The following PRELID2 variants were observed in gnomAD, a reference collection of about 807,000 sequenced individuals.
PRELID2 encodes PRELI domain containing 2.
Under a neutral mutation model 28.4 loss-of-function variants are expected in PRELID2, and 25 were observed. That is an observed-to-expected ratio of 0.88 (90% CI 0.64 to 1.23). The LOEUF is 1.23. Among genes scored for constraint, PRELID2 ranks in the 50% most tolerant of loss-of-function variants. The pLI is 0.00. For missense variants in PRELID2, 201 were observed against 214.4 expected, an observed-to-expected ratio of 0.94 and a Z score of 0.39; for synonymous variants, 76 against 71.6, an observed-to-expected ratio of 1.06 and a Z score of -0.31.
At chr5:145,269,909 T>C in the PRELID2 span, among the ~76,000 whole-genome samples, 2 of 148,324 alleles carry the variant, frequency 1.3e-5, no homozygotes, top group Non-Finnish European at 3.0e-5. Flanking sequence ...CATACATACA[T>C]ACATATATAT....
intron 1 of PRELID2, among the ~76,000 whole-genome samples, chr5:145,623,845 A>G (rs1753807609): frequency 1.3e-5 from 2 of 152,152 alleles, no homozygotes; most frequent in Admixed American, 6.5e-5. Flanking sequence ...GTGGTCTACA[A>G]TTCAATTCAA....
At chr5:145,802,895 C>G (rs951015587) in intron 4 of PRELID2, among the ~76,000 whole-genome samples, 1 of 152,010 alleles carries the variant, frequency 6.6e-6, no homozygotes, top group Non-Finnish European at 1.5e-5. Flanking sequence ...GAATTAATCC[C>G]CAGAGCACGC....
chr5:145,379,421 G>T, the PRELID2 span, among the ~76,000 whole-genome samples: 1 of 152,156 alleles, frequency 6.6e-6, no homozygotes. Flanking sequence ...TGGTGATTAT[G>T]TGCATGGTTG....
chr5:145,566,097 T>C lies in PRELID2; in HGVS notation n.71-92782A>G, dbSNP rs79202336. On this transcript the variant is annotated intron_variant and non_coding_transcript_variant, in intron 1 of 2. Coordinates refer to the PRELID2 transcript ENST00000510259. Reference sequence around the variant, plus strand: ...AATGAAAGCTTGGCAATAATAATAATGGACTTCTGCTATACCACGCAGGTT... The same window carrying C: ...AATGAAAGCTTGGCAATAATAATAACGGACTTCTGCTATACCACGCAGGTT... Among the ~76,000 whole-genome samples the C allele has an allele frequency of 6.8e-3, 1,033 of 152,262 alleles. 20 individuals carry two copies. The highest frequency in any genetic ancestry group is 0.023 in the African/African-American group (966 of 41,534).
chr5:145,454,203 G>GA, the PRELID2 span, among the ~76,000 whole-genome samples: 2 of 152,078 alleles, frequency 1.3e-5, no homozygotes, highest in Non-Finnish European at 2.9e-5. Context: ...ATTTGATGCA[G>GA]AAAAGGCTTT....
At chr5:145,326,486 C>T in the PRELID2 span, among the ~76,000 whole-genome samples, 28 of 152,256 alleles carry the variant, frequency 1.8e-4, no homozygotes, top group Non-Finnish European at 3.8e-4. Flanking sequence ...TATACTACCT[C>T]ATTTCAAGAA....
At chr5:145,234,999 G>T in the PRELID2 span, among the ~76,000 whole-genome samples, 2 of 152,058 alleles carry the variant, frequency 1.3e-5, no homozygotes, top group African/African-American at 4.8e-5. Context: ...CCACCTATCA[G>T]TTAAGTAAAA....
At chr5:145,266,359 CAA>C in the PRELID2 span, among the ~76,000 whole-genome samples, 279 of 116,638 alleles carry the variant, frequency 2.4e-3, no homozygotes, top group African/African-American at 7.5e-3. Context: ...AGACAAAAAG[CAA>C]AAAAAAAAAA....
intron 5 of PRELID2, among the ~76,000 whole-genome samples, chr5:145,768,082 G>T (rs1244264957): frequency 6.6e-6 from 1 of 151,858 alleles, no homozygotes; most frequent in African/African-American, 2.4e-5. Context: ...AAAGTTAGCT[G>T]GGCGTGGTGG....
At chr5:145,371,883 A>AC in the PRELID2 span, among the ~76,000 whole-genome samples, 32 of 75,144 alleles carry the variant, frequency 4.3e-4, no homozygotes, top group African/African-American at 1.9e-3. Context: ...TATTTTGTTA[A>AC]TTTAAAAAAA....
intron 5 of PRELID2, among the ~76,000 whole-genome samples, chr5:145,790,701 TTG>T (rs148531864): frequency 4.7e-4 from 49 of 104,938 alleles, no homozygotes; most frequent in East Asian, 3.5e-3. Flanking sequence ...TAATTCCACA[TTG>T]TGTGTGTGTG....
At chr5:145,575,271 A>T (rs1753050977) in intron 1 of PRELID2, among the ~76,000 whole-genome samples, 1 of 152,160 alleles carries the variant, frequency 6.6e-6, no homozygotes, top group Non-Finnish European at 1.5e-5. Context: ...AAATGATACA[A>T]ATCTTTTCTC....
At chr5:145,620,680 C>T (rs1448947985) in intron 1 of PRELID2, among the ~76,000 whole-genome samples, 1 of 152,086 alleles carries the variant, frequency 6.6e-6, no homozygotes, top group Non-Finnish European at 1.5e-5. Flanking sequence ...AGAACAACCT[C>T]GGTAACATGG....
chr5:145,546,861 G>T (rs1752792263), intron 1 of PRELID2, among the ~76,000 whole-genome samples: 1 of 152,284 alleles, frequency 6.6e-6, no homozygotes, highest in Non-Finnish European at 1.5e-5. Context: ...ACAGAGGAAA[G>T]AGAAGAGGGA....
At chr5:145,702,991 A>G (rs942497885) in intron 1 of PRELID2, among the ~76,000 whole-genome samples, 1 of 152,222 alleles carries the variant, frequency 6.6e-6, no homozygotes, top group African/African-American at 2.4e-5. Context: ...CAAATAAAGC[A>G]ATTACTCAAC....
intron 1 of PRELID2, among the ~76,000 whole-genome samples, chr5:145,616,270 A>T (rs1314223809): frequency 6.6e-6 from 1 of 152,122 alleles, no homozygotes; most frequent in Non-Finnish European, 1.5e-5. Flanking sequence ...TGCTTCTTGT[A>T]TTTGGATGTC....
chr5:145,677,341 G>A (rs1252359418), intron 1 of PRELID2, among the ~76,000 whole-genome samples: 2 of 151,914 alleles, frequency 1.3e-5, no homozygotes, highest in South Asian at 4.1e-4. Flanking sequence ...TTTTAGTAGA[G>A]ACAGGGTTTC....
the PRELID2 span, among the ~76,000 whole-genome samples, chr5:145,396,001 T>G: frequency 6.6e-6 from 1 of 152,188 alleles, no homozygotes; most frequent in Admixed American, 6.6e-5. Flanking sequence ...GCCTGAATTG[T>G]TGTGTCTTCT....
At chr5:145,527,941 G>C (rs181431300) in intron 1 of PRELID2, among the ~76,000 whole-genome samples, 16 of 152,022 alleles carry the variant, frequency 1.1e-4, no homozygotes, top group African/African-American at 3.4e-4. Flanking sequence ...GCTTCTTCTT[G>C]CCCTGTTGTC....
Sources: allele counts gnomAD v4.1 joint callset (sites outside exome capture counted in the v4.1 genomes callset), GRCh38; gene constraint gnomAD v4.1.1; transcripts MANE v1.5; gene names NCBI Gene and HGNC (gene_info 2026-07-23, HGNC 2026-07-21).